SLC48A1: variants seen among roughly 807,000 people sequenced by gnomAD.
SLC48A1 encodes the protein heme transporter HRG1.
Under a neutral mutation model 14.8 loss-of-function variants are expected in SLC48A1, and 6 were observed. That is an observed-to-expected ratio of 0.41 (90% confidence interval 0.22 to 0.80). SLC48A1 has a LOEUF of 0.80. Ranked by LOEUF, SLC48A1 falls within the 30% of genes least tolerant of loss-of-function variation. SLC48A1 has a pLI of 0.34. For synonymous variants in SLC48A1, 89 were observed against 90.0 expected (o/e 0.99, Z 0.06); for missense variants, 165 against 204.8 (o/e 0.81, Z 1.19).
intron 2 of SLC48A1, among the ~76,000 whole-genome samples, chr12:47,760,845 C>T (rs1412327944): frequency 6.6e-6 from 1 of 152,128 alleles, no homozygotes; most frequent in African/African-American, 2.4e-5. Flanking sequence ...TGCGTATACT[C>T]TGTATGTATT....
At chr12:47,760,546 C>A in intron 2 of SLC48A1, 1 of 277,538 alleles carries the variant, frequency 3.6e-6, no homozygotes, top group Non-Finnish European at 5.5e-6. Flanking sequence ...ATTCTTGCTG[C>A]CCTTACTCTG....
In SLC48A1 at chr12:47,773,411, CG is replaced by C; in HGVS notation, c.111del (p.Thr38ProfsTer17). 4 of 1,446,260 alleles carry C rather than the reference CG, an allele frequency of 2.8e-6. No homozygotes were observed. Among genetic ancestry groups the C allele is most frequent in the South Asian group, 2.7e-5 (2 of 73,090 alleles). 89.6% of individuals were successfully genotyped at this position (1,446,260 alleles called of 1,614,324 possible). A position where few individuals can be genotyped will look rare whatever the true frequency, so the allele number is the denominator to read the frequency against. ...GTCTGGACGGTGGTCTACCGACAGC[CG>C]GGGACCGCGGCCATGGGAGGGCTCG... ...FLVWTVVYRQ[P>X]GTAAMGGLAG... On this transcript the variant is annotated frameshift_variant, in exon 1 of 3. Coordinates refer to ENST00000442218, the MANE Select transcript of SLC48A1 (RefSeq NM_017842.3). LOFTEE classifies it high-confidence loss of function.
upstream of SLC48A1, among the ~76,000 whole-genome samples, chr12:47,768,199 A>G (rs1942557119): frequency 6.6e-6 from 1 of 151,866 alleles, no homozygotes; most frequent in Admixed American, 6.6e-5. Flanking sequence ...CTGGCCTCGA[A>G]CTCCTGACCT....
At chr12:47,764,172 G>A (rs1252786863) in intron 2 of SLC48A1, among the ~76,000 whole-genome samples, 1 of 152,172 alleles carries the variant, frequency 6.6e-6, no homozygotes, top group Non-Finnish European at 1.5e-5. Context: ...GTGTGTGTGT[G>A]TGTCTTGTGT....
chr12:47,771,232 T>C (rs1360948341), upstream of SLC48A1, among the ~76,000 whole-genome samples: 2 of 152,262 alleles, frequency 1.3e-5, no homozygotes, highest in African/African-American at 4.8e-5. Context: ...AAGCACACCC[T>C]GTCTAGATTC....
intron 2 of SLC48A1, chr12:47,760,443 C>T (rs1942342289): frequency 3.1e-6 from 3 of 982,450 alleles, no homozygotes; most frequent in African/African-American, 3.5e-5. Context: ...TCATGAGTTT[C>T]GGGTTGCTGG....
intron 1 of SLC48A1, among the ~76,000 whole-genome samples, chr12:47,775,321 A>G (rs1345014837): frequency 3.9e-5 from 6 of 152,150 alleles, no homozygotes; most frequent in Non-Finnish European, 5.9e-5. Context: ...CCCTTGGCCT[A>G]TGAGGCAGGC....
upstream of SLC48A1, chr12:47,757,798 G>T: frequency 7.0e-7 from 1 of 1,424,968 alleles, no homozygotes; most frequent in Non-Finnish European, 9.5e-7. Context: ...AGCATGCCAA[G>T]CCATGATCTA....
chr12:47,755,578 A>C (rs781318774), upstream of SLC48A1: 1 of 152,026 alleles, frequency 6.6e-6, no homozygotes, highest in Non-Finnish European at 1.5e-5. Context: ...TTATTTTCCA[A>C]AGATGTTCTT....
intron 1 of SLC48A1, 149 bp downstream of exon 1, chr12:47,773,589 C>T: frequency 5.0e-6 from 6 of 1,204,276 alleles, no homozygotes; most frequent in Non-Finnish European, 6.2e-6. Context: ...CGGCAGGCCC[C>T]ACGCGGGCCC....
At chr12:47,758,071 C>T (rs930543766), upstream of SLC48A1, 5 of 1,564,282 alleles carry the variant, frequency 3.2e-6, no homozygotes, top group African/African-American at 6.8e-5. Context: ...CTCACCTGGC[C>T]AGCCCACCTG....
upstream of SLC48A1, chr12:47,755,843 G>C (rs961238469): frequency 6.6e-6 from 1 of 152,182 alleles, no homozygotes; most frequent in Non-Finnish European, 1.5e-5. Context: ...TTCACCATGG[G>C]CGTGCATGCT....
At chr12:47,769,341 G>C (rs1942579945), upstream of SLC48A1, 1 of 152,268 alleles carries the variant, frequency 6.6e-6, no homozygotes, top group African/African-American at 2.4e-5. Context: ...TCCTGGGCTG[G>C]GTTGGGAGTG....
intron 1 of SLC48A1, among the ~76,000 whole-genome samples, chr12:47,776,252 G>A (rs1942751343): frequency 1.3e-5 from 2 of 152,176 alleles, no homozygotes; most frequent in Non-Finnish European, 1.5e-5. Context: ...TTAGCTTATC[G>A]GCTGTGAGCC....
chr12:47,767,068 G>T (rs755396869), upstream of SLC48A1, among the ~76,000 whole-genome samples: 1 of 152,054 alleles, frequency 6.6e-6, no homozygotes, highest in Non-Finnish European at 1.5e-5. Context: ...GGAGGAAGGC[G>T]AAGCTGCAGG....
At chr12:47,776,475 C>T (rs1264892237) in intron 1 of SLC48A1, among the ~76,000 whole-genome samples, 2 of 148,658 alleles carry the variant, frequency 1.3e-5, no homozygotes, top group Non-Finnish European at 3.0e-5. Flanking sequence ...TGGGAGGGGA[C>T]CAGTGAGGGG....
rs999456496 is a variant in SLC48A1 at position 47,780,822 on chromosome 12, C to T, written c.*541C>T. 5 of 500,370 alleles carry T rather than the reference C, an allele frequency of 1.0e-5. No individual in the cohort carries two copies. The highest frequency in any genetic ancestry group is 4.4e-5 in the South Asian group (3 of 68,112). The allele number at this position is 500,370 out of a possible 1,614,324, so 31.0% of individuals were successfully genotyped here. On this transcript the variant is annotated 3_prime_UTR_variant, in exon 3 of 3. Transcript: ENST00000442218. ...TCTCAGGTGATTCACCCGCCTCAGC[C>T]TTCCAAAGTGCTGGGATTATAGGTG...
At chr12:47,759,494 C>CTGGAGGACTGCTCTCCAGAA (rs376413155) in intron 1 of SLC48A1, among the ~76,000 whole-genome samples, 1 of 152,210 alleles carries the variant, frequency 6.6e-6, no homozygotes, top group South Asian at 2.1e-4. Flanking sequence ...CGGGTAGGGG[C>CTGGAGGACTGCTCTCCAGAA]CCTAAGAGGA....
chr12:47,778,895 GAAA>G, intron 1 of SLC48A1, 130 bp from the exon 2 acceptor site: 7 of 1,115,456 alleles, frequency 6.3e-6, no homozygotes, highest in Non-Finnish European at 8.5e-6. Context: ...CTCCGAAAAG[GAAA>G]ACTCCATTCT....
Sources: allele counts gnomAD v4.1 joint callset (sites outside exome capture counted in the v4.1 genomes callset), GRCh38; gene constraint gnomAD v4.1.1; transcripts MANE v1.5; gene names NCBI Gene and HGNC (gene_info 2026-07-23, HGNC 2026-07-21).